Variants in SNX29 observed in about 807,000 individuals in gnomAD.
The protein encoded by SNX29 is sorting nexin 29.
A neutral mutation model predicts 102.1 loss-of-function variants in SNX29; 78 were observed. The ratio of observed to expected loss-of-function variants is 0.76; its 90% confidence interval spans 0.64 to 0.92. SNX29 has a LOEUF of 0.92. Among genes scored for constraint, SNX29 ranks in the 40% least tolerant of loss-of-function variants. The pLI, the probability that SNX29 is intolerant of heterozygous loss-of-function variation, is 0.00. For missense variants in SNX29, 1,280 were observed against 1,061.7 expected, an observed-to-expected ratio of 1.21 and a Z score of -2.86; for synonymous variants, 580 against 414.5, an observed-to-expected ratio of 1.40 and a Z score of -4.85.
chr16:12,176,740 ATG>A (rs1050819051), intron 13 of SNX29, among the ~76,000 whole-genome samples: 1 of 152,156 alleles, frequency 6.6e-6, no homozygotes, highest in African/African-American at 2.4e-5. Flanking sequence ...ATACCAAAGG[ATG>A]TGTCTGTGTG....
Position 12,221,258 on chromosome 16 carries a change from G to A in SNX29, c.1678+21575G>A, listed in dbSNP as rs530043352. 1.4e-3 allele frequency among the ~76,000 whole-genome samples: 211 copies of A among 152,234 alleles called. 1 individual carries two copies. The highest frequency in any genetic ancestry group is 2.3e-3 in the Non-Finnish European group (156 of 68,014). ...GATTGGAGGGTGGGGGCAGAAAGCCGGGGGTCACTATCTAGATCACTGAGC... is the reference window on the plus strand; with the variant it reads ...GATTGGAGGGTGGGGGCAGAAAGCCAGGGGTCACTATCTAGATCACTGAGC... On this transcript the variant is annotated intron_variant, in intron 14 of 20. Coordinates refer to ENST00000566228, the MANE Select transcript of SNX29 (RefSeq NM_032167.5).
intron 14 of SNX29, among the ~76,000 whole-genome samples, chr16:12,206,814 G>GTTTTTTTT (rs71139583): frequency 2.5e-5 from 3 of 121,612 alleles, no homozygotes; most frequent in Non-Finnish European, 1.7e-5. Flanking sequence ...GAATGAGGTG[G>GTTTTTTTT]TTTTTTTTTT....
intron 19 of SNX29, among the ~76,000 whole-genome samples, chr16:12,490,992 C>G (rs2088517648): frequency 6.6e-6 from 1 of 152,246 alleles, no homozygotes; most frequent in African/African-American, 2.4e-5. Context: ...TTTCTTTTTA[C>G]AGCTTCACAT....
intron 8 of SNX29, among the ~76,000 whole-genome samples, chr16:12,054,241 C>G (rs552288210): frequency 1.3e-5 from 2 of 152,372 alleles, no homozygotes; most frequent in South Asian, 4.1e-4. Flanking sequence ...GCTGGGATTA[C>G]AGGCATGAGC....
At chr16:12,534,775 C>G (rs1341263363) in intron 20 of SNX29, among the ~76,000 whole-genome samples, 1 of 152,198 alleles carries the variant, frequency 6.6e-6, no homozygotes. Flanking sequence ...GTCTACCCCT[C>G]TGGTTTTTAA....
intron 1 of SNX29, among the ~76,000 whole-genome samples, chr16:11,992,103 C>T (rs1319489252): frequency 2.0e-5 from 3 of 151,998 alleles, no homozygotes; most frequent in Non-Finnish European, 2.9e-5. Flanking sequence ...GAGACCAGCC[C>T]AGGCAACATA....
chr16:12,272,139 C>T (rs780074595), intron 14 of SNX29, among the ~76,000 whole-genome samples: 1 of 152,172 alleles, frequency 6.6e-6, no homozygotes, highest in Admixed American at 6.5e-5. Flanking sequence ...TTCCCCAAGC[C>T]TTTAAGGTCA....
intron 19 of SNX29, among the ~76,000 whole-genome samples, chr16:12,498,082 C>A (rs189893824): frequency 6.6e-6 from 1 of 152,280 alleles, no homozygotes; most frequent in Non-Finnish European, 1.5e-5. Flanking sequence ...AGGGTCAGAA[C>A]TGAGGTGCCA....
At chr16:12,195,496 G>T (rs1378571080) in intron 13 of SNX29, among the ~76,000 whole-genome samples, 5 of 152,148 alleles carry the variant, frequency 3.3e-5, no homozygotes, top group African/African-American at 1.2e-4. Flanking sequence ...ATGCCTAAGG[G>T]GGTTGGCAGC....
At chr16:12,281,028 C>G (rs1478292486) in intron 15 of SNX29, among the ~76,000 whole-genome samples, 4 of 152,190 alleles carry the variant, frequency 2.6e-5, no homozygotes, top group Non-Finnish European at 5.9e-5. Context: ...CTACCTCAGC[C>G]TCCCAAGTAG....
chr16:12,523,072 A>C (rs1213734678), intron 19 of SNX29, among the ~76,000 whole-genome samples: 1 of 152,166 alleles, frequency 6.6e-6, no homozygotes. Flanking sequence ...TCAGCTTCCT[A>C]AGGTGCTGGG....
chr16:12,128,308 G>C lies in SNX29; in HGVS notation c.1467-1322G>C, dbSNP rs942639224. 2.0e-5 allele frequency among the ~76,000 whole-genome samples: 3 copies of C among 152,172 alleles called. No homozygotes were observed. The East Asian group carries it at 5.8e-4, about 29-fold the overall frequency. On this transcript the variant is annotated intron_variant, in intron 12 of 20. Coordinates refer to ENST00000566228, the MANE Select transcript of SNX29 (RefSeq NM_032167.5). ...GTTACTTTTTTGTACTTCCCAGAAA[G>C]AAAAGAAAAATTATACCATGTTTTT...
At position 12,506,715 on chromosome 16, in the gene SNX29, G is replaced by C. The variant is rs192599381; in HGVS notation, c.2179-17987G>C. Among the ~76,000 whole-genome samples the C allele has an allele frequency of 2.0e-5, 3 of 152,318 alleles. No individual in the cohort carries two copies. The East Asian group carries it at 5.8e-4, about 29-fold the overall frequency. Reference sequence around the variant, plus strand: ...ATATCAAGGGCTTAAGACAAGTCAGGCTTGAGAACATCAACTATGGTCAGG... The same window carrying C: ...ATATCAAGGGCTTAAGACAAGTCAGCCTTGAGAACATCAACTATGGTCAGG... On this transcript the variant is annotated intron_variant, in intron 19 of 20. Transcript: ENST00000566228.
chr16:12,377,840 GC>G (rs1253458966), intron 16 of SNX29, among the ~76,000 whole-genome samples: 1 of 152,196 alleles, frequency 6.6e-6, no homozygotes, highest in African/African-American at 2.4e-5. Flanking sequence ...AGAGAAGACT[GC>G]CATGGTCTGT....
At chr16:12,261,073 T>G (rs1406636296) in intron 14 of SNX29, among the ~76,000 whole-genome samples, 1 of 127,386 alleles carries the variant, frequency 7.9e-6, no homozygotes, top group Non-Finnish European at 1.6e-5. Flanking sequence ...CATGAGTCCC[T>G]GGCTGGAGTG....
intron 18 of SNX29, among the ~76,000 whole-genome samples, chr16:12,451,296 C>T (rs563423091): frequency 3.0e-4 from 46 of 152,300 alleles, no homozygotes; most frequent in Admixed American, 1.8e-3. Flanking sequence ...TTAGCTTCTT[C>T]CCCACCAGCT....
intron 1 of SNX29, among the ~76,000 whole-genome samples, chr16:11,996,756 A>C (rs934492847): frequency 1.3e-5 from 2 of 152,144 alleles, no homozygotes; most frequent in Admixed American, 6.6e-5. Context: ...CTGGATTCTG[A>C]AACAAAGAGC....
At chr16:12,132,965 A>G (rs1423475793) in intron 13 of SNX29, among the ~76,000 whole-genome samples, 2 of 152,202 alleles carry the variant, frequency 1.3e-5, no homozygotes, top group African/African-American at 4.8e-5. Context: ...AGTAAAAGCA[A>G]CTGTCAGTGT....
At chr16:12,079,698 T>C (rs374365757) in intron 11 of SNX29, among the ~76,000 whole-genome samples, 4 of 152,306 alleles carry the variant, frequency 2.6e-5, no homozygotes, top group Admixed American at 1.3e-4. Context: ...TAAGGAGATG[T>C]GATGGAAATT....
Sources: gnomAD v4.1 joint callset for allele counts (sites outside exome capture counted in the v4.1 genomes callset) on GRCh38, gnomAD v4.1.1 for gene constraint, MANE v1.5 for transcripts, NCBI Gene and HGNC (gene_info 2026-07-23, HGNC 2026-07-21) for gene names.